The following SNTG2 variants were observed in gnomAD, a reference collection of about 807,000 sequenced individuals.
The protein encoded by SNTG2 is gamma-2-syntrophin.
SNTG2 carries 74 observed loss-of-function variants against 70.9 expected under a neutral mutation model. The ratio of observed to expected loss-of-function variants is 1.04; its 90% CI spans 0.86 to 1.27. SNTG2 has a LOEUF of 1.27. SNTG2 is among the 50% of genes most tolerant of loss of function. The probability of loss-of-function intolerance (pLI) is 0.00; values close to 1 mark genes in which losing one functional copy is unlikely to be tolerated. For missense variants in SNTG2, 717 were observed against 690.7 expected (o/e 1.04, Z -0.43); for synonymous variants, 278 against 273.8 (o/e 1.02, Z -0.15).
intron 14 of SNTG2, among the ~76,000 whole-genome samples, chr2:1,299,222 C>A (rs137871853): frequency 6.6e-6 from 1 of 152,346 alleles, no homozygotes; most frequent in African/African-American, 2.4e-5. Flanking sequence ...TGTCACTAGT[C>A]CTGACCCTGC....
chr2:1,347,525 C>T (rs1274363481), intron 16 of SNTG2, among the ~76,000 whole-genome samples: 1 of 152,236 alleles, frequency 6.6e-6, no homozygotes, highest in East Asian at 1.9e-4. Context: ...ATCTCTCACT[C>T]CCTGTTCCTC....
At chr2:1,137,115 T>G (rs1668436574) in intron 4 of SNTG2, among the ~76,000 whole-genome samples, 1 of 152,212 alleles carries the variant, frequency 6.6e-6, no homozygotes, top group Non-Finnish European at 1.5e-5. Context: ...TAGCTTTCCT[T>G]ATGAAGAGGC....
At chr2:978,411 A>G (rs1041058484) in intron 1 of SNTG2, among the ~76,000 whole-genome samples, 1 of 152,276 alleles carries the variant, frequency 6.6e-6, no homozygotes, top group African/African-American at 2.4e-5. Context: ...GATATTTTTC[A>G]GAGACCAGAT....
chr2:1,245,382 C>T lies in SNTG2; in HGVS notation c.889-1945C>T, dbSNP rs146823379. Among the ~76,000 whole-genome samples, 603 of 152,300 alleles carry T rather than the reference C, an allele frequency of 4.0e-3. 6 individuals are homozygous for T. Among genetic ancestry groups the T allele is most frequent in the Middle Eastern group, 0.014 (4 of 294 alleles). ...TGCTCAGGGCCATGTGCCTGGTCTT[C>T]CTGGAATGTGAACTCTTTTCTTGCT... is the stretch of plus-strand genomic sequence containing the variant. On this transcript the variant is annotated intron_variant, in intron 11 of 16. Coordinates refer to ENST00000308624, the MANE Select transcript of SNTG2 (RefSeq NM_018968.4).
At chr2:1,329,763 G>A (rs1431405125) in intron 16 of SNTG2, among the ~76,000 whole-genome samples, 1 of 152,120 alleles carries the variant, frequency 6.6e-6, no homozygotes, top group Non-Finnish European at 1.5e-5. Context: ...TCGTGTGGGG[G>A]AGGCCTTTGA....
intron 1 of SNTG2, among the ~76,000 whole-genome samples, chr2:986,322 A>G (rs1661323143): frequency 6.6e-6 from 1 of 152,224 alleles, no homozygotes; most frequent in South Asian, 2.1e-4. Context: ...ATGCAATGAC[A>G]AAGGTAACTT....
At chr2:1,223,696 G>A (rs565533278) in intron 9 of SNTG2, among the ~76,000 whole-genome samples, 16 of 152,364 alleles carry the variant, frequency 1.1e-4, no homozygotes, top group African/African-American at 2.6e-4. Flanking sequence ...GGAGCCAGGC[G>A]TGTCTGGTGG....
At chr2:1,001,250 A>G (rs571857143) in intron 1 of SNTG2, among the ~76,000 whole-genome samples, 4 of 152,048 alleles carry the variant, frequency 2.6e-5, no homozygotes, top group Non-Finnish European at 5.9e-5. Flanking sequence ...TCAACATAGT[A>G]CTGAAAGTTT....
At chr2:1,272,495 T>TAGGACATCCCAGGAGCAGGTGTAAAA (rs1679079592) in intron 14 of SNTG2, among the ~76,000 whole-genome samples, 1 of 90,138 alleles carries the variant, frequency 1.1e-5, no homozygotes, top group Non-Finnish European at 2.1e-5. Context: ...AGGATTCTGT[T>TAGGACATCCCAGGAGCAGGTGTAAAA]AGGACATCCC....
At chr2:1,356,474 G>T (rs1457894886) in intron 16 of SNTG2, among the ~76,000 whole-genome samples, 1 of 152,162 alleles carries the variant, frequency 6.6e-6, no homozygotes, top group Non-Finnish European at 1.5e-5. Flanking sequence ...TTAGCCCTTT[G>T]TGGAAGATCA....
chr2:1,334,920 T>G (rs557488370), intron 16 of SNTG2, among the ~76,000 whole-genome samples: 87 of 152,150 alleles, frequency 5.7e-4, no homozygotes, highest in Non-Finnish European at 4.7e-4. Context: ...AAACCCCCAT[T>G]CCCCAAAAAC....
At chr2:1,123,140 G>T (rs965344978) in intron 4 of SNTG2, among the ~76,000 whole-genome samples, 3 of 152,064 alleles carry the variant, frequency 2.0e-5, no homozygotes, top group African/African-American at 7.2e-5. Context: ...ATATCTATGA[G>T]CCAAAGTTAT....
rs140083620 is a variant in SNTG2 at position 994,714 on chromosome 2, C to T, written c.72+43646C>T. Among the ~76,000 whole-genome samples the T allele has an allele frequency of 2.8e-3, 422 of 151,866 alleles. 2 individuals carry two copies. The highest frequency in any genetic ancestry group is 9.7e-3 in the African/African-American group (402 of 41,486). On this transcript the variant is annotated intron_variant, in intron 1 of 16. Coordinates refer to ENST00000308624, the MANE Select transcript of SNTG2 (RefSeq NM_018968.4). ...GGACTGTCTTTCTATTTATTTAGTT[C>T]TTCCATTTATTTAGTTATTTCATTT...
chr2:984,667 C>T (rs1224112593), intron 1 of SNTG2, among the ~76,000 whole-genome samples: 1 of 152,198 alleles, frequency 6.6e-6, no homozygotes, highest in Non-Finnish European at 1.5e-5. Flanking sequence ...CTTGGCACAT[C>T]CTGCCATCAT....
intron 16 of SNTG2, among the ~76,000 whole-genome samples, chr2:1,319,003 TTG>T (rs1478070413): frequency 1.3e-5 from 2 of 152,126 alleles, no homozygotes; most frequent in African/African-American, 4.8e-5. Context: ...TTAAATGTAT[TTG>T]TGTTTTATTT....
chr2:1,261,567 C>T (rs1447276572), intron 13 of SNTG2, among the ~76,000 whole-genome samples: 1 of 152,176 alleles, frequency 6.6e-6, no homozygotes, highest in Non-Finnish European at 1.5e-5. Context: ...TGATAAACAG[C>T]TTTCGTGCAG....
At chr2:1,166,334 T>C (rs927578771) in intron 7 of SNTG2, among the ~76,000 whole-genome samples, 1 of 152,092 alleles carries the variant, frequency 6.6e-6, no homozygotes, top group Non-Finnish European at 1.5e-5. Flanking sequence ...GGGCATCCGA[T>C]GTGGAATGAG....
chr2:1,088,975 T>C (rs6548185), intron 2 of SNTG2, among the ~76,000 whole-genome samples: 120,831 of 152,180 alleles, frequency 0.79, 48,156 homozygotes, highest in Admixed American at 0.88. Flanking sequence ...CACAAAGTGC[T>C]GGGAAAAGTG....
chr2:1,028,824 T>C (rs1363013572), intron 1 of SNTG2, among the ~76,000 whole-genome samples: 1 of 152,002 alleles, frequency 6.6e-6, no homozygotes, highest in East Asian at 1.9e-4. Context: ...GGATGGGTAC[T>C]GTTCCGTTTG....
Sources: gnomAD v4.1 joint callset for allele counts (sites outside exome capture counted in the v4.1 genomes callset) on GRCh38, gnomAD v4.1.1 for gene constraint, MANE v1.5 for transcripts, NCBI Gene and HGNC (gene_info 2026-07-23, HGNC 2026-07-21) for gene names.